Variants in SLC10A7 observed in about 807,000 individuals in gnomAD.
SLC10A7 encodes solute carrier family 10 member 7.
Under a neutral mutation model 43.2 loss-of-function variants are expected in SLC10A7, and 29 were observed. The observed-to-expected ratio is 0.67, with a 90% CI of 0.50 to 0.92. The LOEUF (loss-of-function observed/expected upper bound fraction) is 0.92, where lower values mean the gene tolerates loss of function less well. Among genes scored for constraint, SLC10A7 ranks in the 40% least tolerant of loss-of-function variants. SLC10A7 has a pLI of 0.00. For missense variants in SLC10A7, 295 were observed against 403.2 expected, an observed-to-expected ratio of 0.73 and a Z score of 2.30; for synonymous variants, 152 against 144.8, an observed-to-expected ratio of 1.05 and a Z score of -0.35.
At chr4:146,353,052 G>A (rs1249798323) in intron 5 of SLC10A7, among the ~76,000 whole-genome samples, 1 of 151,624 alleles carries the variant, frequency 6.6e-6, no homozygotes, top group Non-Finnish European at 1.5e-5. Context: ...AGAACTGAAG[G>A]AAATAGAGAA....
At chr4:146,380,702 T>C (rs899535765) in intron 5 of SLC10A7, among the ~76,000 whole-genome samples, 43 of 152,132 alleles carry the variant, frequency 2.8e-4, no homozygotes, top group African/African-American at 1.0e-3. Flanking sequence ...TTCCTACTTA[T>C]AATTGTTGTA....
At chr4:146,312,984 C>T (rs1732081318) in intron 6 of SLC10A7, among the ~76,000 whole-genome samples, 1 of 152,034 alleles carries the variant, frequency 6.6e-6, no homozygotes, top group South Asian at 2.1e-4. Context: ...AACTTTGCTC[C>T]CTAATTTTTG....
intron 4 of SLC10A7, among the ~76,000 whole-genome samples, chr4:146,469,476 A>G (rs1446391083): frequency 6.6e-6 from 1 of 152,220 alleles, no homozygotes; most frequent in Non-Finnish European, 1.5e-5. Context: ...GCATACTATC[A>G]TCAAAATCAA....
At chr4:146,487,079 A>G (rs1734982090) in intron 4 of SLC10A7, among the ~76,000 whole-genome samples, 2 of 152,232 alleles carry the variant, frequency 1.3e-5, no homozygotes, top group African/African-American at 4.8e-5. Context: ...AATAAAATCT[A>G]TAAGCAGCAC....
chr4:146,435,023 T>C (rs1430501272), intron 5 of SLC10A7, among the ~76,000 whole-genome samples: 1 of 152,078 alleles, frequency 6.6e-6, no homozygotes, highest in Non-Finnish European at 1.5e-5. Context: ...TTTTTTTAAT[T>C]ATTTTTTCAG....
intron 2 of SLC10A7, chr4:146,515,172 A>G (rs1173867240): frequency 1.4e-6 from 1 of 702,180 alleles, no homozygotes; most frequent in Non-Finnish European, 2.6e-6. Flanking sequence ...AGAGAAATCA[A>G]GTTGCTTTCT....
intron 5 of SLC10A7, among the ~76,000 whole-genome samples, chr4:146,385,111 A>G (rs1471546025): frequency 1.3e-5 from 2 of 152,038 alleles, no homozygotes. Context: ...CCCCTCAAAT[A>G]CAATCAGTTG....
intron 5 of SLC10A7, among the ~76,000 whole-genome samples, chr4:146,423,157 T>A (rs1201080281): frequency 1.3e-5 from 2 of 152,172 alleles, no homozygotes; most frequent in East Asian, 1.9e-4. Flanking sequence ...TATTTCTAAA[T>A]GTCACCCTAA....
intron 4 of SLC10A7, among the ~76,000 whole-genome samples, chr4:146,471,848 C>T (rs1020842674): frequency 2.0e-5 from 3 of 152,126 alleles, no homozygotes; most frequent in African/African-American, 7.2e-5. Flanking sequence ...AAAGGCCACA[C>T]TCTTTTCACT....
chr4:146,521,028 A>G (rs1560993995), intron 1 of SLC10A7, among the ~76,000 whole-genome samples: 1 of 151,986 alleles, frequency 6.6e-6, no homozygotes, highest in Non-Finnish European at 1.5e-5. Flanking sequence ...TAGCAACTGA[A>G]TCCCGGCAGC....
chr4:146,460,963 T>G (rs1319047943), intron 4 of SLC10A7, among the ~76,000 whole-genome samples: 1 of 151,966 alleles, frequency 6.6e-6, no homozygotes, highest in Non-Finnish European at 1.5e-5. Context: ...AAATAAGGTT[T>G]TGCTTAACAG....
chr4:146,288,874 C>T (rs555262141), intron 9 of SLC10A7, among the ~76,000 whole-genome samples: 1 of 152,114 alleles, frequency 6.6e-6, no homozygotes, highest in African/African-American at 2.4e-5. Flanking sequence ...TCCTTTTCTT[C>T]CCAACTGGTC....
intron 3 of SLC10A7, among the ~76,000 whole-genome samples, chr4:146,506,278 A>T (rs1736886126): frequency 6.6e-6 from 1 of 152,224 alleles, no homozygotes; most frequent in South Asian, 2.1e-4. Context: ...AAATTTGCCA[A>T]CTATATATTG....
intron 10 of SLC10A7, among the ~76,000 whole-genome samples, chr4:146,271,424 T>A (rs1228186947): frequency 6.6e-6 from 1 of 152,110 alleles, no homozygotes. Flanking sequence ...TCAAAATGGA[T>A]CTCAAATCCA....
chr4:146,345,032 T>C (rs1578939836), intron 5 of SLC10A7, among the ~76,000 whole-genome samples: 2 of 152,166 alleles, frequency 1.3e-5, no homozygotes, highest in East Asian at 3.8e-4. Context: ...GTCAATATGC[T>C]TTCCTCTAAA....
intron 6 of SLC10A7, among the ~76,000 whole-genome samples, chr4:146,309,218 C>T (rs1731789828): frequency 1.3e-5 from 2 of 152,128 alleles, no homozygotes; most frequent in Non-Finnish European, 2.9e-5. Flanking sequence ...CTTTTGTGAA[C>T]CATTGTTCTG....
intron 7 of SLC10A7, among the ~76,000 whole-genome samples, chr4:146,304,303 G>A (rs1486029549): frequency 6.6e-6 from 1 of 151,406 alleles, no homozygotes; most frequent in Admixed American, 6.6e-5. Flanking sequence ...AAAGACAGAT[G>A]CTTGTTCCCA....
intron 5 of SLC10A7, among the ~76,000 whole-genome samples, chr4:146,427,898 C>CT (rs1490750697): frequency 6.6e-6 from 1 of 152,096 alleles, no homozygotes; most frequent in Non-Finnish European, 1.5e-5. Flanking sequence ...GAGCCAAACG[C>CT]AGTGGCTCAT....
In SLC10A7 at chr4:146,487,897, T is replaced by TA. The variant is rs574778849; in HGVS notation, c.396+15951dup. ...AAGCAACACCCTTTCTCTACAAAATTAAAAAAAAAAAATTAGACAGGCATA... is the reference window on the plus strand; with the variant it reads ...AAGCAACACCCTTTCTCTACAAAATTAAAAAAAAAAAAATTAGACAGGCATA... On this transcript the variant is annotated intron_variant, in intron 4 of 11. Coordinates refer to ENST00000335472, the MANE Select transcript of SLC10A7 (RefSeq NM_001029998.6). Among the ~76,000 whole-genome samples the TA allele has an allele frequency of 8.5e-4, 121 of 142,576 alleles. No homozygotes were observed. The Middle Eastern group carries it at 0.018, about 21-fold the overall frequency. 93.5% of individuals were successfully genotyped at this position (142,576 alleles called of 152,430 possible).
Sources: allele counts gnomAD v4.1 joint callset (sites outside exome capture counted in the v4.1 genomes callset), GRCh38; gene constraint gnomAD v4.1.1; transcripts MANE v1.5; gene names NCBI Gene and HGNC (gene_info 2026-07-23, HGNC 2026-07-21).